The following TBC1D8 variants were observed in gnomAD, a reference collection of about 807,000 sequenced individuals.
The protein encoded by TBC1D8 is BUB2-like protein 1.
A neutral mutation model predicts 118.8 loss-of-function variants in TBC1D8; 65 were observed. The observed-to-expected ratio is 0.55, with a 90% confidence interval of 0.45 to 0.67. TBC1D8 has a LOEUF of 0.67. Among genes scored for constraint, TBC1D8 ranks in the 30% least tolerant of loss-of-function variants. The pLI is 0.00. For synonymous variants in TBC1D8, 566 were observed against 595.8 expected, an observed-to-expected ratio of 0.95 and a Z score of 0.73; for missense variants, 1,376 against 1,471.2, an observed-to-expected ratio of 0.94 and a Z score of 1.06.
intron 16 of TBC1D8, among the ~76,000 whole-genome samples, 185 bp downstream of exon 16, chr2:101,022,096 C>T (rs1000547471): frequency 1.3e-5 from 2 of 152,208 alleles, no homozygotes; most frequent in Non-Finnish European, 1.5e-5. Flanking sequence ...CCTCTCCCAT[C>T]CCCCTTCAGA....
rs774730486 is a variant in TBC1D8, at chr2:101,033,618, C to T, written c.1744G>A (p.Glu582Lys). Reference protein sequence around the residue: ...SLPEHPAFQNETGIAALRRVL... With the variant: ...SLPEHPAFQNKTGIAALRRVL... ...CTCCTCAAAGCAGCAATTCCCGTTT[C>T]GTTCTGGAAGGCGGGGTGCTCTGGC... Residue 582 changes from glutamate to lysine, a missense_variant, in exon 10 of 20, where the codon GAA becomes AAA. Coordinates refer to ENST00000409318, the MANE Select transcript of TBC1D8 (RefSeq NM_001330348.2). 3.7e-5 allele frequency: 59 copies of T among 1,613,846 alleles called. No individual in the cohort carries two copies. The highest frequency in any genetic ancestry group is 1.2e-4 in the Admixed American group (7 of 59,998).
intron 5 of TBC1D8, among the ~76,000 whole-genome samples, chr2:101,047,097 C>T (rs1681757713): frequency 6.6e-6 from 1 of 152,192 alleles, no homozygotes; most frequent in African/African-American, 2.4e-5. Context: ...CCTCTGTGGG[C>T]AGCTCCTCAG....
At chr2:101,131,171 G>A (rs1018833426) in intron 1 of TBC1D8, among the ~76,000 whole-genome samples, 5 of 152,188 alleles carry the variant, frequency 3.3e-5, no homozygotes, top group African/African-American at 7.2e-5. Context: ...CCAAGTAGCT[G>A]AGACTATGGG....
chr2:101,019,777 T>TAGATGA (rs1205101781), intron 17 of TBC1D8: 1 of 152,190 alleles, frequency 6.6e-6, no homozygotes, highest in Non-Finnish European at 1.5e-5. Context: ...ATTAGAAAGT[T>TAGATGA]AGATGAAGAG....
At chr2:101,128,337 A>G (rs1187787253) in intron 1 of TBC1D8, among the ~76,000 whole-genome samples, 1 of 152,210 alleles carries the variant, frequency 6.6e-6, no homozygotes, top group Non-Finnish European at 1.5e-5. Flanking sequence ...CCTCTAAACA[A>G]GCTTCAGCTC....
intron 1 of TBC1D8, among the ~76,000 whole-genome samples, chr2:101,096,295 C>A (rs111469167): frequency 1.3e-5 from 2 of 151,966 alleles, no homozygotes; most frequent in Non-Finnish European, 1.5e-5. Context: ...TCTGAACACT[C>A]TGTCACCTAC....
chr2:101,052,154 G>A (rs1340686058), intron 4 of TBC1D8, among the ~76,000 whole-genome samples: 1 of 152,224 alleles, frequency 6.6e-6, no homozygotes, highest in Non-Finnish European at 1.5e-5. Flanking sequence ...GTGTGTAAAT[G>A]AGGATCATTC....
rs762184302 is a variant in TBC1D8 at position 101,028,287 on chromosome 2, C to T, written c.2352+16G>A. The T allele has an allele frequency of 1.9e-6, 3 of 1,600,558 alleles. No individual in the cohort carries two copies. Among genetic ancestry groups the T allele is most frequent in the South Asian group, 1.1e-5 (1 of 89,684 alleles). ...TTAGGGGCTGCAACGGGGCATGGGG[C>T]GGGGGTTCCCGTTACCTCATAGGAA... is the stretch of plus-strand genomic sequence containing the variant. On this transcript the variant is annotated intron_variant, in intron 13 of 19. Coordinates refer to ENST00000409318, the MANE Select transcript of TBC1D8 (RefSeq NM_001330348.2).
chr2:101,022,540 A>G lies in TBC1D8; in HGVS notation c.2521-19T>C. 6 of 1,584,482 alleles carry G rather than the reference A, an allele frequency of 3.8e-6. No homozygotes were observed. The highest frequency in any genetic ancestry group is 5.1e-6 in the Non-Finnish European group (6 of 1,173,146). ...GTTCTCTCTTCAAACAAGAGGGGGA[A>G]AGGGAGTTCTTACCACTTATTGAAC... On this transcript the variant is annotated intron_variant, in intron 15 of 19. Coordinates refer to ENST00000409318, the MANE Select transcript of TBC1D8 (RefSeq NM_001330348.2).
chr2:101,059,736 C>T (rs371204782), intron 2 of TBC1D8, among the ~76,000 whole-genome samples, 197 bp from the exon 3 acceptor site: 15 of 152,144 alleles, frequency 9.9e-5, no homozygotes, highest in Admixed American at 2.6e-4. Flanking sequence ...GTCAGGAGAT[C>T]GAACCATCCT....
At position 101,086,876 on chromosome 2, in the gene TBC1D8, T is replaced by C. The variant is rs563909675; in HGVS notation, c.283+3333A>G. Among the ~76,000 whole-genome samples, 10 of 152,258 alleles carry C rather than the reference T, an allele frequency of 6.6e-5. No individual in the cohort carries two copies. The East Asian group carries it at 1.9e-3, about 29-fold the overall frequency. The stretch of plus-strand genomic sequence containing the variant: ...TCTCGGCTCACTACAACCTCCCTCC[T>C]GGGCTCAAGCGATTCTCCTGCCTCA... On this transcript the variant is annotated intron_variant, in intron 2 of 19. Transcript: ENST00000409318.
At chr2:101,109,017 A>C (rs191860131) in intron 1 of TBC1D8, among the ~76,000 whole-genome samples, 1 of 152,302 alleles carries the variant, frequency 6.6e-6, no homozygotes, top group African/African-American at 2.4e-5. Flanking sequence ...CTGTTCTAAA[A>C]AATAAAGTTT....
chr2:101,090,186 A>G, intron 2 of TBC1D8, 23 bp downstream of exon 2: 2 of 1,603,142 alleles, frequency 1.2e-6, no homozygotes, highest in Non-Finnish European at 1.7e-6. Context: ...GGTTTGGAAC[A>G]TTCCAACTGG....
At chr2:101,092,329 A>T (rs950944998) in intron 1 of TBC1D8, among the ~76,000 whole-genome samples, 4 of 152,276 alleles carry the variant, frequency 2.6e-5, no homozygotes, top group South Asian at 2.1e-4. Context: ...TTTTCACCAC[A>T]TCCTATCAGG....
intron 16 of TBC1D8, 74 bp downstream of exon 16, chr2:101,022,207 G>A (rs941426177): frequency 1.6e-5 from 26 of 1,598,142 alleles, no homozygotes; most frequent in African/African-American, 2.7e-5. Flanking sequence ...TGCCTGCTCC[G>A]AAGATCCACT....
At position 101,011,483 on chromosome 2, in the gene TBC1D8, G is replaced by A; in HGVS notation, c.2885C>T (p.Thr962Ile). Residue 962 changes from threonine to isoleucine, a missense_variant, in exon 18 of 20, where the codon ACA becomes ATA. By Grantham distance (89) the Thr-to-Ile change is moderately conservative (BLOSUM62 -1). Transcript: ENST00000409318. ...QSPLRNPLLS[T>I]SRPLVFGKPN... Reference sequence around the variant, plus strand: ...TTTCCCGAAAACCAGGGGTCTCGATGTTGACAACAGAGGATTCCTCAACGG... The same window carrying A: ...TTTCCCGAAAACCAGGGGTCTCGATATTGACAACAGAGGATTCCTCAACGG... The A allele has an allele frequency of 6.2e-7, 1 of 1,613,998 alleles. No individual in the cohort carries two copies. The highest frequency in any genetic ancestry group is 8.5e-7 in the Non-Finnish European group (1 of 1,179,872).
chr2:101,038,989 A>T (rs549736494), intron 6 of TBC1D8, among the ~76,000 whole-genome samples: 1 of 152,222 alleles, frequency 6.6e-6, no homozygotes, highest in Non-Finnish European at 1.5e-5. Context: ...ATATTGTATG[A>T]ATCCACTCAT....
intron 6 of TBC1D8, among the ~76,000 whole-genome samples, chr2:101,039,084 T>C (rs1465425969): frequency 5.3e-5 from 8 of 151,960 alleles, no homozygotes; most frequent in African/African-American, 1.5e-4. Flanking sequence ...AAGAGGGAAG[T>C]TGATTTATGG....
chr2:101,073,197 C>A (rs939852846), intron 2 of TBC1D8, among the ~76,000 whole-genome samples: 1 of 152,162 alleles, frequency 6.6e-6, no homozygotes, highest in African/African-American at 2.4e-5. Flanking sequence ...TTTTCCTCTC[C>A]AGCTATACAA....
Sources: gnomAD v4.1 joint callset for allele counts (sites outside exome capture counted in the v4.1 genomes callset) on GRCh38, gnomAD v4.1.1 for gene constraint, MANE v1.5 for transcripts, NCBI Gene and HGNC (gene_info 2026-07-23, HGNC 2026-07-21) for gene names.